The following RIMKLB variants were observed in gnomAD, a reference collection of about 807,000 sequenced individuals.
The protein encoded by RIMKLB is ribosomal modification protein rimK like family member B.
RIMKLB carries 7 observed loss-of-function variants against 32.0 expected under a neutral mutation model. That is an observed-to-expected ratio of 0.22 (90% CI 0.12 to 0.41). The LOEUF (loss-of-function observed/expected upper bound fraction) is 0.41, where lower values mean the gene tolerates loss of function less well. RIMKLB is among the 10% of genes least tolerant of loss of function. The pLI is 1.00. For missense variants in RIMKLB, 289 were observed against 498.7 expected, an observed-to-expected ratio of 0.58 and a Z score of 4.00; for synonymous variants, 172 against 185.1, an observed-to-expected ratio of 0.93 and a Z score of 0.57.
At chr12:8,743,310 C>T (rs1427894784) in intron 2 of RIMKLB, among the ~76,000 whole-genome samples, 3 of 144,392 alleles carry the variant, frequency 2.1e-5, no homozygotes, top group Admixed American at 7.1e-5. Flanking sequence ...GCTGAGATTG[C>T]GCCACTGCAC....
At chr12:8,733,407 G>A (rs988513242) in intron 2 of RIMKLB, among the ~76,000 whole-genome samples, 8 of 151,894 alleles carry the variant, frequency 5.3e-5, no homozygotes, top group Non-Finnish European at 8.8e-5. Flanking sequence ...GAGATCCATC[G>A]TGTAGTATCT....
intron 5 of RIMKLB, 151 bp downstream of exon 5, chr12:8,754,244 A>G: frequency 1.6e-6 from 1 of 619,664 alleles, no homozygotes; most frequent in Non-Finnish European, 2.8e-6. Context: ...CATGCCATCA[A>G]TGTAATTAAA....
At chr12:8,770,854 G>A (rs1325851863) in intron 5 of RIMKLB, among the ~76,000 whole-genome samples, 1 of 152,168 alleles carries the variant, frequency 6.6e-6, no homozygotes. Flanking sequence ...CAGAACTTCT[G>A]ACCAACTGGC....
chr12:8,720,686 C>G (rs1375137524), intron 2 of RIMKLB, among the ~76,000 whole-genome samples: 2 of 152,084 alleles, frequency 1.3e-5, no homozygotes, highest in Non-Finnish European at 2.9e-5. Context: ...ATTATAGGTG[C>G]CTGCCACCAC....
downstream of RIMKLB, chr12:8,777,251 AAAC>A (rs1950791363): frequency 5.1e-6 from 5 of 972,378 alleles, no homozygotes; most frequent in Non-Finnish European, 6.1e-6. Flanking sequence ...CTTCTTAAAA[AAAC>A]AAAACAAAGT....
downstream of RIMKLB, among the ~76,000 whole-genome samples, chr12:8,778,783 G>A (rs1950879363): frequency 6.6e-6 from 1 of 152,200 alleles, no homozygotes; most frequent in Non-Finnish European, 1.5e-5. Flanking sequence ...ACCTTTTCAA[G>A]ATAGACTTCT....
At chr12:8,712,541 GT>G (rs1179421001) in intron 1 of RIMKLB, among the ~76,000 whole-genome samples, 1 of 152,216 alleles carries the variant, frequency 6.6e-6, no homozygotes, top group Admixed American at 6.5e-5. Flanking sequence ...CCATAATCCA[GT>G]TTAGATACCC....
Position 8,712,597 on chromosome 12 carries a change from G to T in RIMKLB, c.-56-1214G>T, listed in dbSNP as rs753019181. 1.6e-4 allele frequency among the ~76,000 whole-genome samples: 25 copies of T among 152,244 alleles called. 1 individual carries two copies. The South Asian group carries it at 2.5e-3, about 15-fold the overall frequency. ...TAGGCCTTTGAGGCAGTGGATTGTG[G>T]GGTAGTAGGTGGGTCAAGAGAGAGG... On this transcript the variant is annotated intron_variant, in intron 1 of 5. Coordinates refer to ENST00000535829, the MANE Select transcript of RIMKLB (RefSeq NM_001297776.2).
At chr12:8,684,846 C>T (rs1447649843) in intron 1 of RIMKLB, among the ~76,000 whole-genome samples, 1 of 152,126 alleles carries the variant, frequency 6.6e-6, no homozygotes, top group Non-Finnish European at 1.5e-5. Flanking sequence ...TAGTCTTGAA[C>T]TCCTGAGCTC....
downstream of RIMKLB, chr12:8,778,913 A>G (rs1950886262): frequency 6.6e-6 from 1 of 152,220 alleles, no homozygotes; most frequent in Non-Finnish European, 1.5e-5. Context: ...CTGAAGGAAG[A>G]CATGTGATAA....
chr12:8,727,164 G>GAC (rs150911891), intron 2 of RIMKLB, among the ~76,000 whole-genome samples: 1,985 of 151,856 alleles, frequency 0.013, 41 homozygotes, highest in African/African-American at 0.046. Context: ...CGTGCACACA[G>GAC]ACACACACAC....
At chr12:8,723,093 G>A (rs1301007931) in intron 2 of RIMKLB, among the ~76,000 whole-genome samples, 2 of 152,138 alleles carry the variant, frequency 1.3e-5, no homozygotes, top group Non-Finnish European at 2.9e-5. Context: ...TATACAACTT[G>A]TCTAACTTTG....
At chr12:8,669,387 A>G in the RIMKLB span, among the ~76,000 whole-genome samples, 1 of 152,184 alleles carries the variant, frequency 6.6e-6, no homozygotes, top group African/African-American at 2.4e-5. Flanking sequence ...GTCAAGTTTC[A>G]ACATGAGATT....
intron 2 of RIMKLB, among the ~76,000 whole-genome samples, chr12:8,726,485 A>C (rs888748520): frequency 1.3e-5 from 2 of 152,092 alleles, no homozygotes; most frequent in East Asian, 3.8e-4. Context: ...TTTCTCCCAG[A>C]CTATAGCTTG....
At chr12:8,779,037 T>C (rs1950892985), downstream of RIMKLB, 1 of 152,128 alleles carries the variant, frequency 6.6e-6, no homozygotes, top group South Asian at 2.1e-4. Flanking sequence ...CAGAGGGAAT[T>C]TGAATTGGAA....
intron 1 of RIMKLB, among the ~76,000 whole-genome samples, chr12:8,703,266 A>AGAGT (rs1943559062): frequency 6.6e-6 from 1 of 152,074 alleles, no homozygotes; most frequent in Non-Finnish European, 1.5e-5. Context: ...CCTGGGCAGC[A>AGAGT]GAGTGAGACT....
intron 1 of RIMKLB, among the ~76,000 whole-genome samples, chr12:8,682,546 G>A (rs1430480749): frequency 6.6e-6 from 1 of 152,060 alleles, no homozygotes; most frequent in Non-Finnish European, 1.5e-5. Context: ...GCCGAGGCGG[G>A]CGGATAACGA....
At chr12:8,711,915 C>T (rs1009794889) in intron 1 of RIMKLB, among the ~76,000 whole-genome samples, 3 of 151,964 alleles carry the variant, frequency 2.0e-5, no homozygotes, top group Non-Finnish European at 2.9e-5. Context: ...GGGAAGAGAC[C>T]GAAATGCAAC....
upstream of RIMKLB, among the ~76,000 whole-genome samples, chr12:8,696,651 C>A (rs1942898864): frequency 6.6e-6 from 1 of 152,166 alleles, no homozygotes; most frequent in South Asian, 2.1e-4. Context: ...GGGAGTGGAA[C>A]CATAAATCCA....
Sources: allele counts gnomAD v4.1 joint callset (sites outside exome capture counted in the v4.1 genomes callset), GRCh38; gene constraint gnomAD v4.1.1; transcripts MANE v1.5; gene names NCBI Gene and HGNC (gene_info 2026-07-23, HGNC 2026-07-21).